Variants in NCAPD2 observed in about 807,000 individuals in gnomAD.
NCAPD2 encodes the protein condensin complex subunit 1.
In NCAPD2, 100 loss-of-function variants were observed where a neutral mutation model predicts 164.5. That is an observed-to-expected ratio of 0.61 (90% CI 0.52 to 0.72). The LOEUF (loss-of-function observed/expected upper bound fraction) is 0.72. Among genes scored for constraint, NCAPD2 ranks in the 30% least tolerant of loss-of-function variants. The probability of loss-of-function intolerance (pLI) is 0.00; values close to 1 mark genes in which losing one functional copy is unlikely to be tolerated. For missense variants in NCAPD2, 1,560 were observed against 1,749.2 expected (o/e 0.89, Z 1.93); for synonymous variants, 585 against 642.6 (o/e 0.91, Z 1.36).
rs1234995234 is a variant in NCAPD2, at chr12:6,499,772, G to A, written c.127+4547G>A. On this transcript the variant is annotated intron_variant, in intron 2 of 31. Coordinates refer to ENST00000315579, the MANE Select transcript of NCAPD2 (RefSeq NM_014865.4). ...TGAAACCCCAGAAAGTGAGAACACAGATTGGTGAGGACCACTGTGTGTAAG... is the reference window on the plus strand; with the variant it reads ...TGAAACCCCAGAAAGTGAGAACACAAATTGGTGAGGACCACTGTGTGTAAG... Among the ~76,000 whole-genome samples the A allele has an allele frequency of 5.3e-5, 8 of 152,314 alleles. No individual in the cohort carries two copies. The East Asian group carries it at 1.3e-3, about 26-fold the overall frequency.
chr12:6,502,553 G>A (rs4764602), intron 2 of NCAPD2, among the ~76,000 whole-genome samples: 87,257 of 151,954 alleles, frequency 0.57, 26,115 homozygotes, highest in African/African-American at 0.74. Context: ...CAGAAAGTTG[G>A]TTTAACCTAG....
Position 6,517,457 on chromosome 12 carries a change from G to A in NCAPD2, c.1278G>A (p.Gln426=), listed in dbSNP as rs71584848. Residue 426 remains glutamine (Q), a synonymous_variant, in exon 11 of 32, where the codon CAG becomes CAA. Transcript: ENST00000315579. ...KSVLVCKNAI[Q]LLASFLANNP... ...TGCTAGTATGTAAAAATGCCATCCA[G>A]CTGCTGGCCAGTTTTCTAGCCAATA... 4,248 of 1,614,198 alleles carry A rather than the reference G, an allele frequency of 2.6e-3. 37 individuals are homozygous for A. Among genetic ancestry groups the A allele is most frequent in the South Asian group, 0.014 (1,296 of 91,084 alleles).
rs780291169 is a variant in NCAPD2, at chr12:6,527,785, C to T, written c.2916C>T (p.Ser972=). ...AATTTCATTCCCTTTAGAATACGAG[C>T]TCTGAGACCACCATGGAGGAGGAGC... ...KTKDPKEKNT[S]SETTMEEELG... The change falls in exon 23 of 32, where the codon AGC becomes AGT. Residue 972 remains serine (S), a synonymous_variant. Coordinates refer to ENST00000315579, the MANE Select transcript of NCAPD2 (RefSeq NM_014865.4). 19 of 1,611,966 alleles carry T rather than the reference C, an allele frequency of 1.2e-5. No individual in the cohort carries two copies. In the East Asian group the frequency reaches 4.0e-4, roughly 34 times the overall value.
In NCAPD2 at chr12:6,511,268, G is replaced by T. The variant is rs1480049270; in HGVS notation, c.587+16G>T. On this transcript the variant is annotated intron_variant, in intron 6 of 31. Coordinates refer to ENST00000315579, the MANE Select transcript of NCAPD2 (RefSeq NM_014865.4). ...AATTTGTCAGGTGGGTAGGGAGGAT[G>T]GCTACAGATAATACTGAGCTGTGAG... 3 of 1,613,676 alleles carry T rather than the reference G, an allele frequency of 1.9e-6. No homozygotes were observed. Among genetic ancestry groups the T allele is most frequent in the Non-Finnish European group, 2.5e-6 (3 of 1,179,862 alleles).
In NCAPD2 at chr12:6,528,873, C is replaced by A. The variant is rs1442686951; in HGVS notation, c.3477+17C>A. 4.3e-6 allele frequency: 7 copies of A among 1,612,878 alleles called. No individual in the cohort carries two copies. In the African/African-American group the frequency reaches 8.0e-5, roughly 18 times the overall value. On this transcript the variant is annotated intron_variant, in intron 26 of 31. Transcript: ENST00000315579. This position sits in a 1 kb window ranked among gnomAD's most constrained non-coding sequence, Gnocchi z 5.1. ...TCCCACAAGGTGAGAGGCAGAGAGG[C>A]ACTGAGGGCTGGCTGCAGAGGGAAT...
At position 6,531,132 on chromosome 12, in the gene NCAPD2, G is replaced by T. The variant is rs971723912; in HGVS notation, c.4120+56G>T. 2.8e-5 allele frequency: 45 copies of T among 1,604,682 alleles called. No homozygotes were observed. The highest frequency in any genetic ancestry group is 3.7e-5 in the Non-Finnish European group (44 of 1,175,358). ...AAGGCACACAGCTAGGGTGCAGAGGGCTGGTTTCCATAGGACCTGCTGCGG... is the reference window on the plus strand; with the variant it reads ...AAGGCACACAGCTAGGGTGCAGAGGTCTGGTTTCCATAGGACCTGCTGCGG... On this transcript the variant is annotated intron_variant, in intron 31 of 31. Transcript: ENST00000315579. This position sits in a 1 kb window ranked among gnomAD's most constrained non-coding sequence, Gnocchi z 4.1.
At position 6,516,216 on chromosome 12, in the gene NCAPD2, C is replaced by A. The variant is rs530577137; in HGVS notation, c.988-612C>A. 3.9e-3 allele frequency among the ~76,000 whole-genome samples: 585 copies of A among 149,328 alleles called. 8 individuals are homozygous for A. Among genetic ancestry groups the A allele is most frequent in the African/African-American group, 0.014 (563 of 40,642 alleles). The stretch of plus-strand genomic sequence containing the variant: ...GTCTCAAAAAAAAAACCAAAAAAAA[C>A]CACACAGACGGGCGCGGTGGCTCAC... On this transcript the variant is annotated intron_variant, in intron 9 of 31. Coordinates refer to ENST00000315579, the MANE Select transcript of NCAPD2 (RefSeq NM_014865.4).
At position 6,509,946 on chromosome 12, in the gene NCAPD2, C is replaced by T. The variant is rs144406222; in HGVS notation, c.204-129C>T. Reference sequence around the variant, plus strand: ...GATGAGCATGTACCCAGCTTGCCACCGTATTTATTCAGTTGAACAATTTCA... The same window carrying T: ...GATGAGCATGTACCCAGCTTGCCACTGTATTTATTCAGTTGAACAATTTCA... On this transcript the variant is annotated intron_variant, in intron 3 of 31. Transcript: ENST00000315579. The T allele has an allele frequency of 9.4e-5, 119 of 1,270,636 alleles. No homozygotes were observed. The African/African-American group carries it at 1.2e-3, about 13-fold the overall frequency. The allele number at this position is 1,270,636 out of a possible 1,614,324, so 78.7% of individuals were successfully genotyped here. A position where few individuals can be genotyped will look rare whatever the true frequency, so the allele number is the denominator to read the frequency against.
At chr12:6,521,177 T>C in intron 14 of NCAPD2, 67 bp downstream of exon 14, 1 of 1,569,278 alleles carries the variant, frequency 6.4e-7, no homozygotes, top group Non-Finnish European at 8.7e-7. Context: ...GCATTAACTT[T>C]ATGCCATCAT....
At chr12:6,509,849 T>C (rs373898962) in intron 3 of NCAPD2, 57 bp downstream of exon 3, 4 of 1,554,814 alleles carry the variant, frequency 2.6e-6, no homozygotes, top group African/African-American at 2.7e-5. Flanking sequence ...TTGTCCTAAC[T>C]GTGCATGTTA....
chr12:6,528,170 T>C lies in NCAPD2; in HGVS notation c.3144-3T>C, dbSNP rs1946333546. 1 of 1,614,196 alleles carries C rather than the reference T, an allele frequency of 6.2e-7. No homozygotes were observed. Among genetic ancestry groups the C allele is most frequent in the Non-Finnish European group, 8.5e-7 (1 of 1,180,028 alleles). On this transcript the variant is annotated splice_region_variant and splice_polypyrimidine_tract_variant and intron_variant, in intron 24 of 31. Coordinates refer to ENST00000315579, the MANE Select transcript of NCAPD2 (RefSeq NM_014865.4). This position sits in a 1 kb window ranked among gnomAD's most constrained non-coding sequence, Gnocchi z 5.1. ...TCCCTAATGATCCTCTTCTTGCTCTTAGTGCCACTTTCTGCGACTCCCAGC... is the reference window on the plus strand; with the variant it reads ...TCCCTAATGATCCTCTTCTTGCTCTCAGTGCCACTTTCTGCGACTCCCAGC...
At chr12:6,515,970 T>C (rs1006767337) in intron 9 of NCAPD2, among the ~76,000 whole-genome samples, 3 of 151,776 alleles carry the variant, frequency 2.0e-5, no homozygotes, top group Non-Finnish European at 4.4e-5. Context: ...GGTGAGTGGA[T>C]CACTTGAGGT....
At position 6,517,499 on chromosome 12, in the gene NCAPD2, G is replaced by C; in HGVS notation, c.1320G>C (p.Lys440Asn). 1 of 1,614,172 alleles carries C rather than the reference G, an allele frequency of 6.2e-7. No homozygotes were observed. The highest frequency in any genetic ancestry group is 8.5e-7 in the Non-Finnish European group (1 of 1,180,036). The change falls in exon 11 of 32, where the codon AAG becomes AAC. Residue 440 changes from lysine (K) to asparagine (N), a missense_variant and splice_region_variant. Lys to Asn is a moderately conservative substitution (Grantham distance 94). Transcript: ENST00000315579. ...SFLANNPFSC[K>N]LSDADLAGPL... is the part of the protein sequence containing the mutation. ...TAGCCAATAATCCTTTCTCCTGCAA[G>C]GTAAGTAGACTTGGTCCACCAAAAG... is the stretch of plus-strand genomic sequence containing the variant.
chr12:6,517,071 A>G (rs1459352785), intron 10 of NCAPD2, 46 bp downstream of exon 10: 2 of 1,567,990 alleles, frequency 1.3e-6, no homozygotes, highest in African/African-American at 1.3e-5. Flanking sequence ...CTCTCCATAT[A>G]CCAGTGTAAA....
Position 6,528,493 on chromosome 12 carries a change from G to T in NCAPD2, c.3299+165G>T. On this transcript the variant is annotated intron_variant, in intron 25 of 31. Transcript: ENST00000315579. The surrounding 1 kb of genome is among the most constrained non-coding windows in gnomAD (Gnocchi z 5.1). ...CCCTGGCTAAGAGTCACCCCAGTGG[G>T]ACTGACACTTCTGGTTAGAAGCTTC... 8.7e-7 allele frequency: 1 copy of T among 1,146,494 alleles called. No individual in the cohort carries two copies. Among genetic ancestry groups the T allele is most frequent in the Non-Finnish European group, 1.2e-6 (1 of 808,000 alleles). 71.0% of individuals were successfully genotyped at this position (1,146,494 alleles called of 1,614,324 possible).
At chr12:6,527,924 A>T (rs1353997051) in intron 23 of NCAPD2, 36 bp downstream of exon 23, 1 of 1,614,012 alleles carries the variant, frequency 6.2e-7, no homozygotes, top group Non-Finnish European at 8.5e-7. Flanking sequence ...GTTTCTTCCC[A>T]ATTAAGATAA....
intron 2 of NCAPD2, among the ~76,000 whole-genome samples, chr12:6,509,102 G>A (rs1226501543): frequency 1.3e-5 from 2 of 151,088 alleles, no homozygotes; most frequent in Admixed American, 6.6e-5. Context: ...AAGATCCTGA[G>A]TTTGTGTTCC....
intron 10 of NCAPD2, 112 bp from the exon 11 acceptor site, chr12:6,517,253 A>G: frequency 6.8e-7 from 1 of 1,470,210 alleles, no homozygotes; most frequent in Non-Finnish European, 9.2e-7. Context: ...ATTCTGTAGA[A>G]AGGGTTTTTA....
At chr12:6,529,744 C>T (rs1405678360) in intron 28 of NCAPD2, 31 bp from the exon 29 acceptor site, 1 of 1,603,992 alleles carries the variant, frequency 6.2e-7, no homozygotes, top group South Asian at 1.1e-5. Flanking sequence ...CTGGATCTCC[C>T]AGTTCCTCAC....
Sources: gnomAD v4.1 joint callset for allele counts (sites outside exome capture counted in the v4.1 genomes callset) on GRCh38, gnomAD v4.1.1 for gene constraint, Gnocchi (gnomAD v3.1) non-coding constraint, MANE v1.5 for transcripts, NCBI Gene and HGNC (gene_info 2026-07-23, HGNC 2026-07-21) for gene names.